NELL1: variants seen among roughly 807,000 people sequenced by gnomAD.
NELL1 encodes the protein protein kinase C-binding protein NELL1.
A neutral mutation model predicts 107.4 loss-of-function variants in NELL1; 76 were observed. The ratio of observed to expected loss-of-function variants is 0.71; its 90% CI spans 0.59 to 0.86. The LOEUF is 0.86. NELL1 is among the 40% of genes least tolerant of loss of function. NELL1 has a pLI of 0.00. For synonymous variants in NELL1, 353 were observed against 341.2 expected, an observed-to-expected ratio of 1.03 and a Z score of -0.38; for missense variants, 1,024 against 1,005.5, an observed-to-expected ratio of 1.02 and a Z score of -0.25.
chr11:21,203,133 A>G (rs1857308543), intron 13 of NELL1, among the ~76,000 whole-genome samples: 1 of 152,178 alleles, frequency 6.6e-6, no homozygotes, highest in Admixed American at 6.5e-5. Flanking sequence ...GATGTCTTTT[A>G]GGTCCCCTTG....
chr11:20,939,886 A>G (rs1049880546), intron 10 of NELL1, among the ~76,000 whole-genome samples: 1 of 152,186 alleles, frequency 6.6e-6, no homozygotes, highest in African/African-American at 2.4e-5. Context: ...TACTTTGGCT[A>G]TCTACACAAA....
At chr11:20,926,279 G>T (rs1344858970) in intron 7 of NELL1, among the ~76,000 whole-genome samples, 1 of 152,090 alleles carries the variant, frequency 6.6e-6, no homozygotes, top group Admixed American at 6.5e-5. Flanking sequence ...AGGTAAACTG[G>T]AGTAGGCTGT....
intron 14 of NELL1, among the ~76,000 whole-genome samples, chr11:21,367,426 TGCAAACCACACGATATTACAAAGGGCA>T (rs140821181): frequency 0.26 from 39,173 of 151,844 alleles, 5,401 homozygotes; most frequent in Admixed American, 0.38. Flanking sequence ...TAAGTTGCAT[TGCAAACCACACGATATTACAAAGGGCA>T]CTAAGTTAAG....
At chr11:21,562,352 T>A (rs1202174850) in intron 17 of NELL1, among the ~76,000 whole-genome samples, 34 of 152,074 alleles carry the variant, frequency 2.2e-4, no homozygotes, top group Non-Finnish European at 4.6e-4. Context: ...GTTAATATGA[T>A]GCACCTTCAC....
intron 15 of NELL1, among the ~76,000 whole-genome samples, chr11:21,440,846 A>G (rs1444319044): frequency 6.6e-6 from 1 of 152,154 alleles, no homozygotes; most frequent in Non-Finnish European, 1.5e-5. Context: ...GCAGAGTGCT[A>G]GAATGCCATG....
chr11:21,481,507 C>T (rs1265285391), intron 15 of NELL1, among the ~76,000 whole-genome samples: 1 of 152,138 alleles, frequency 6.6e-6, no homozygotes, highest in Non-Finnish European at 1.5e-5. Context: ...TGGAAACACA[C>T]CCTTATAATT....
chr11:20,713,367 G>T (rs929854564), intron 2 of NELL1, among the ~76,000 whole-genome samples: 1 of 152,102 alleles, frequency 6.6e-6, no homozygotes, highest in African/African-American at 2.4e-5. Context: ...TAGAGGGGCG[G>T]TGGTTCTCAG....
At chr11:21,056,101 A>G (rs1853608903) in intron 12 of NELL1, among the ~76,000 whole-genome samples, 1 of 152,160 alleles carries the variant, frequency 6.6e-6, no homozygotes, top group Non-Finnish European at 1.5e-5. Context: ...TTGAGGATAG[A>G]AAAGCTGAAG....
At chr11:21,254,812 A>G (rs1285653833) in intron 14 of NELL1, among the ~76,000 whole-genome samples, 1 of 152,086 alleles carries the variant, frequency 6.6e-6, no homozygotes, top group Non-Finnish European at 1.5e-5. Context: ...TTTCTGAAAA[A>G]GCCCAGCTGT....
chr11:21,273,084 T>C (rs563271544), intron 14 of NELL1, among the ~76,000 whole-genome samples: 3 of 152,082 alleles, frequency 2.0e-5, no homozygotes. Context: ...AGAAGAAGGC[T>C]TCAGACGATC....
intron 14 of NELL1, among the ~76,000 whole-genome samples, chr11:21,329,309 C>G (rs1236724167): frequency 6.6e-6 from 1 of 152,118 alleles, no homozygotes; most frequent in African/African-American, 2.4e-5. Context: ...CAGTATTTCT[C>G]CTTGCTGCTG....
At chr11:20,871,423 A>G (rs996207559) in intron 4 of NELL1, among the ~76,000 whole-genome samples, 2 of 152,194 alleles carry the variant, frequency 1.3e-5, no homozygotes, top group Non-Finnish European at 2.9e-5. Context: ...GGGATATAAT[A>G]TTATTTTCAA....
chr11:21,273,935 C>G (rs575365535), intron 14 of NELL1, among the ~76,000 whole-genome samples: 1 of 152,134 alleles, frequency 6.6e-6, no homozygotes, highest in African/African-American at 2.4e-5. Context: ...CCAGTACCAG[C>G]CACTGCAAAA....
At chr11:20,812,125 T>C (rs985166404) in intron 3 of NELL1, among the ~76,000 whole-genome samples, 16 of 152,148 alleles carry the variant, frequency 1.1e-4, no homozygotes, top group African/African-American at 3.9e-4. Context: ...ATACCTAATT[T>C]GTTGAGAATT....
intron 5 of NELL1, among the ~76,000 whole-genome samples, chr11:20,917,772 G>A (rs539657760): frequency 1.3e-5 from 2 of 151,906 alleles, no homozygotes; most frequent in East Asian, 3.9e-4. Context: ...TATTTCCTTC[G>A]CTAAATGAAT....
chr11:20,940,821 G>T (rs940029382), intron 10 of NELL1, among the ~76,000 whole-genome samples: 1 of 152,140 alleles, frequency 6.6e-6, no homozygotes. Context: ...ATAAGACTTT[G>T]TGATATAATT....
chr11:21,235,974 A>G (rs1295164955), intron 14 of NELL1, among the ~76,000 whole-genome samples: 1 of 152,126 alleles, frequency 6.6e-6, no homozygotes, highest in East Asian at 1.9e-4. Flanking sequence ...TTTGAACCTC[A>G]TCTCTTATGA....
intron 15 of NELL1, among the ~76,000 whole-genome samples, chr11:21,380,118 G>A (rs998805720): frequency 6.6e-6 from 1 of 152,060 alleles, no homozygotes; most frequent in African/African-American, 2.4e-5. Context: ...CTCAATTTGA[G>A]CTTTCTCAGG....
chr11:21,571,457 C>T (rs1418425808), intron 18 of NELL1, among the ~76,000 whole-genome samples: 1 of 151,790 alleles, frequency 6.6e-6, no homozygotes, highest in Non-Finnish European at 1.5e-5. Context: ...CTCAAGTGGA[C>T]ACAGGTATGT....
Sources: gnomAD v4.1 joint callset for allele counts (sites outside exome capture counted in the v4.1 genomes callset) on GRCh38, gnomAD v4.1.1 for gene constraint, MANE v1.5 for transcripts, NCBI Gene and HGNC (gene_info 2026-07-23, HGNC 2026-07-21) for gene names.